COLEC10: variants seen among roughly 807,000 people sequenced by gnomAD.
COLEC10 encodes the protein collectin subfamily member 10, also known as collectin-10.
A neutral mutation model predicts 28.4 loss-of-function variants in COLEC10; 22 were observed. The observed-to-expected ratio is 0.78, with a 90% CI of 0.55 to 1.11. COLEC10 has a LOEUF of 1.11. Among genes scored for constraint, COLEC10 ranks in the 50% least tolerant of loss-of-function variants. The probability of loss-of-function intolerance (pLI) is 0.00; values close to 1 mark genes in which losing one functional copy is unlikely to be tolerated. For synonymous variants in COLEC10, 125 were observed against 116.1 expected (o/e 1.08, Z -0.49); for missense variants, 361 against 344.1 (o/e 1.05, Z -0.39).
rs1367384972 is a variant in COLEC10 at position 119,107,514 on chromosome 8, A to C, written c.*1323A>C. On this transcript the variant is annotated 3_prime_UTR_variant, in exon 6 of 6. Transcript: ENST00000332843. ...GTTTCAAATGCTGGCAAAATGGTTA[A>C]TGAAGTAAGAGAAACAGATCAACAA... 1.3e-5 allele frequency among the ~76,000 whole-genome samples: 2 copies of C among 152,218 alleles called. No individual in the cohort carries two copies. The highest frequency in any genetic ancestry group is 2.9e-5 in the Non-Finnish European group (2 of 68,036).
At chr8:118,964,707 G>A in the COLEC10 span, among the ~76,000 whole-genome samples, 2 of 152,138 alleles carry the variant, frequency 1.3e-5, no homozygotes, top group African/African-American at 4.8e-5. Context: ...AATCTCCTCT[G>A]CTTCTGAATT....
In COLEC10 at chr8:119,106,161, T is replaced by G. The variant is rs747470853; in HGVS notation, c.804T>G (p.Phe268Leu). 7 of 1,600,850 alleles carry G rather than the reference T, an allele frequency of 4.4e-6. No homozygotes were observed. The Admixed American group carries it at 1.2e-4, about 27-fold the overall frequency. Residue 268 changes from phenylalanine to leucine, a missense_variant, in exon 6 of 6, where the codon TTT becomes TTG. Around this residue, in one of 3 missense-constraint regions of COLEC10, gnomAD observed 22 missense variants for 17.3 expected, o/e 1.28. Transcript: ENST00000332843. The part of the protein sequence containing the change: ...NDTECHLTMY[F>L]VCEFIKKKK ...CAGAGTGCCATCTTACCATGTACTTTGTCTGTGAGTTCATCAAGAAGAAAA... is the reference window on the plus strand; with the variant it reads ...CAGAGTGCCATCTTACCATGTACTTGGTCTGTGAGTTCATCAAGAAGAAAA...
At chr8:119,062,881 A>T (rs1025983899), upstream of COLEC10, 2 of 152,232 alleles carry the variant, frequency 1.3e-5, no homozygotes, top group African/African-American at 4.8e-5. Context: ...TTTAAAAGTC[A>T]TTCTACTAAT....
chr8:118,989,650 T>C, the COLEC10 span, among the ~76,000 whole-genome samples: 2 of 151,452 alleles, frequency 1.3e-5, no homozygotes, highest in African/African-American at 4.9e-5. Context: ...AATAAAATTA[T>C]AGTCTTGAAA....
intron 2 of COLEC10, among the ~76,000 whole-genome samples, chr8:119,031,794 A>C (rs567212636): frequency 2.7e-4 from 37 of 139,346 alleles, no homozygotes; most frequent in African/African-American, 9.7e-4. Context: ...GATTTCTATT[A>C]AGTTTTACTT....
chr8:119,063,972 C>T (rs2130202891), upstream of COLEC10, among the ~76,000 whole-genome samples: 1 of 152,250 alleles, frequency 6.6e-6, no homozygotes, highest in African/African-American at 2.4e-5. Context: ...CATCTGTAAA[C>T]TTGATTGGCT....
intron 2 of COLEC10, among the ~76,000 whole-genome samples, chr8:119,016,885 TC>T (rs1814001141): frequency 6.6e-6 from 1 of 152,056 alleles, no homozygotes; most frequent in Non-Finnish European, 1.5e-5. Flanking sequence ...CCCAGCTAAT[TC>T]TTGTATTTTT....
intron 5 of COLEC10, among the ~76,000 whole-genome samples, chr8:119,104,394 T>C (rs1400268226): frequency 1.3e-5 from 2 of 152,160 alleles, no homozygotes; most frequent in East Asian, 3.9e-4. Context: ...TAATGAGCAG[T>C]AGAGCAGGAA....
At chr8:119,043,237 C>T (rs996805695) in intron 2 of COLEC10, among the ~76,000 whole-genome samples, 5 of 152,104 alleles carry the variant, frequency 3.3e-5, no homozygotes, top group African/African-American at 1.2e-4. Context: ...TAATTCACAC[C>T]TCTAAAGTTA....
rs1358677438 is a variant in COLEC10, at chr8:119,106,594, T to G, written c.*403T>G. ...AAGGTTGTTGATGGTTAGGCTAACC[T>G]GCCCTGGCCCAAAGCCAGACATGTA... On this transcript the variant is annotated 3_prime_UTR_variant, in exon 6 of 6. Coordinates refer to ENST00000332843, the MANE Select transcript of COLEC10 (RefSeq NM_006438.5). The G allele has an allele frequency of 5.9e-6, 1 of 170,334 alleles. No individual in the cohort carries two copies. Among genetic ancestry groups the G allele is most frequent in the African/African-American group, 2.4e-5 (1 of 42,212 alleles). The allele number at this position is 170,334 out of a possible 1,614,324, so 10.6% of individuals were successfully genotyped here. A position where few individuals can be genotyped will look rare whatever the true frequency, so the allele number is the denominator to read the frequency against.
At chr8:118,958,153 A>G in the COLEC10 span, among the ~76,000 whole-genome samples, 1 of 152,184 alleles carries the variant, frequency 6.6e-6, no homozygotes, top group Non-Finnish European at 1.5e-5. Context: ...AACAATGCAT[A>G]AACAAAAAGC....
At chr8:119,007,117 T>A (rs968656042) in intron 1 of COLEC10, among the ~76,000 whole-genome samples, 1 of 152,100 alleles carries the variant, frequency 6.6e-6, no homozygotes, top group Non-Finnish European at 1.5e-5. Context: ...GGTTCATGAC[T>A]TGGAAAACAG....
At chr8:119,067,223 TTAAAA>T, upstream of COLEC10, 1 of 1,565,202 alleles carries the variant, frequency 6.4e-7, no homozygotes, top group South Asian at 1.2e-5. Flanking sequence ...GAGGTTTTAT[TTAAAA>T]TAAAGCTGTT....
At chr8:118,994,867 T>C (rs562788745), upstream of COLEC10, among the ~76,000 whole-genome samples, 20 of 152,350 alleles carry the variant, frequency 1.3e-4, 1 homozygote, top group South Asian at 3.9e-3. Flanking sequence ...GTTTGAAAAG[T>C]TGTTTTCCAA....
At chr8:118,986,607 A>G in the COLEC10 span, among the ~76,000 whole-genome samples, 3 of 152,284 alleles carry the variant, frequency 2.0e-5, no homozygotes, top group African/African-American at 7.2e-5. Context: ...AAGAAGACCC[A>G]CATCTAAGCC....
At chr8:118,959,003 G>A in the COLEC10 span, among the ~76,000 whole-genome samples, 1 of 152,178 alleles carries the variant, frequency 6.6e-6, no homozygotes, top group Non-Finnish European at 1.5e-5. Flanking sequence ...GATATTTGTT[G>A]GAGGTAGCAG....
intron 3 of COLEC10, among the ~76,000 whole-genome samples, chr8:119,098,825 TTTTAAA>T (rs1306097834): frequency 3.3e-5 from 5 of 152,070 alleles, no homozygotes; most frequent in African/African-American, 1.2e-4. Flanking sequence ...CCTGGAATCT[TTTTAAA>T]TGGAGATGCA....
chr8:119,102,026 C>T (rs1815839449), intron 3 of COLEC10, among the ~76,000 whole-genome samples: 1 of 152,112 alleles, frequency 6.6e-6, no homozygotes, highest in Non-Finnish European at 1.5e-5. Flanking sequence ...TCAAATTCTT[C>T]TTACAAACCC....
At chr8:118,981,882 A>G in the COLEC10 span, among the ~76,000 whole-genome samples, 2 of 152,208 alleles carry the variant, frequency 1.3e-5, no homozygotes, top group Admixed American at 6.6e-5. Flanking sequence ...TGCATGAAAC[A>G]ATGACTTCCT....
Sources: gnomAD v4.1 joint callset for allele counts (sites outside exome capture counted in the v4.1 genomes callset) on GRCh38, gnomAD v4.1.1 for gene constraint, gnomAD v4.1.1 regional missense constraint, MANE v1.5 for transcripts, NCBI Gene and HGNC (gene_info 2026-07-23, HGNC 2026-07-21) for gene names.